The following PCDHA3 variants were observed in gnomAD, a reference collection of about 807,000 sequenced individuals.
PCDHA3 encodes the protein protocadherin alpha-3.
A neutral mutation model predicts 62.2 loss-of-function variants in PCDHA3; 41 were observed. The ratio of observed to expected loss-of-function variants is 0.66; its 90% CI spans 0.51 to 0.86. PCDHA3 has a LOEUF of 0.86. Ranked by LOEUF, PCDHA3 falls within the 40% of genes least tolerant of loss-of-function variation. The probability of loss-of-function intolerance (pLI) is 0.00; values close to 1 mark genes in which losing one functional copy is unlikely to be tolerated. For missense variants in PCDHA3, 1,304 were observed against 1,241.2 expected, an observed-to-expected ratio of 1.05 and a Z score of -0.76; for synonymous variants, 640 against 555.4, an observed-to-expected ratio of 1.15 and a Z score of -2.14.
At chr5:140,869,322 C>A (rs1169893950) in intron 1 of PCDHA3, 12 of 1,613,702 alleles carry the variant, frequency 7.4e-6, no homozygotes, top group Non-Finnish European at 1.0e-5. Context: ...CACATGGGGA[C>A]CTTCTGGAGG....
chr5:140,900,233 G>GT (rs1261263702), intron 1 of PCDHA3, among the ~76,000 whole-genome samples: 7 of 151,834 alleles, frequency 4.6e-5, no homozygotes, highest in Non-Finnish European at 7.4e-5. Flanking sequence ...ACTGGATCTT[G>GT]TTTTTTTTAT....
chr5:140,880,747 T>C (rs555658670), intron 1 of PCDHA3, among the ~76,000 whole-genome samples: 16 of 152,334 alleles, frequency 1.1e-4, no homozygotes, highest in African/African-American at 3.8e-4. Context: ...GGATTGTCAG[T>C]GTAACTGCGT....
At position 140,981,056 on chromosome 5, in the gene PCDHA3, G is replaced by A. The variant is rs571113984; in HGVS notation, c.2454-1419G>A. 1.5e-3 allele frequency among the ~76,000 whole-genome samples: 227 copies of A among 152,276 alleles called. 1 individual carries two copies. Among genetic ancestry groups the A allele is most frequent in the African/African-American group, 5.2e-3 (217 of 41,556 alleles). ...GGGAAAAAAAACAGATAATTCTAGA[G>A]TGTAGACAAGGGGAAGAATAGTAAA... On this transcript the variant is annotated intron_variant, in intron 2 of 3. Transcript: ENST00000522353.
At chr5:140,871,612 G>T in intron 1 of PCDHA3, 1 of 1,427,256 alleles carries the variant, frequency 7.0e-7, no homozygotes, top group East Asian at 2.5e-5. Flanking sequence ...TTTGAATATT[G>T]TTTTAGATAA....
intron 1 of PCDHA3, chr5:140,805,413 G>C (rs191989993): frequency 1.9e-6 from 2 of 1,067,844 alleles, no homozygotes; most frequent in Non-Finnish European, 2.3e-6. Flanking sequence ...AAATTTGGTG[G>C]GTTTTTTGTT....
intron 1 of PCDHA3, chr5:140,824,025 G>C: frequency 1.2e-6 from 2 of 1,614,138 alleles, no homozygotes; most frequent in Non-Finnish European, 1.7e-6. Flanking sequence ...GGTCGTACTC[G>C]CAGCAGAGGA....
At chr5:140,948,371 T>G (rs1310252601) in intron 1 of PCDHA3, among the ~76,000 whole-genome samples, 1 of 151,586 alleles carries the variant, frequency 6.6e-6, no homozygotes, top group Non-Finnish European at 1.5e-5. Flanking sequence ...TTAGGAGGTG[T>G]TCCTTCCTCT....
At chr5:140,917,137 C>A (rs868951388) in intron 1 of PCDHA3, among the ~76,000 whole-genome samples, 4 of 152,208 alleles carry the variant, frequency 2.6e-5, no homozygotes, top group African/African-American at 4.8e-5. Context: ...CCACGTTGCT[C>A]AGCTGCTGCT....
chr5:140,829,207 T>C, intron 1 of PCDHA3: 2 of 1,614,192 alleles, frequency 1.2e-6, no homozygotes, highest in Non-Finnish European at 1.7e-6. Flanking sequence ...TCGCCCTAAT[T>C]AGCGTGAACG....
intron 1 of PCDHA3, chr5:140,870,895 G>A (rs2052513329): frequency 6.2e-7 from 1 of 1,613,844 alleles, no homozygotes; most frequent in African/African-American, 1.3e-5. Flanking sequence ...CGCAGTGGAT[G>A]CGGACTCAGG....
intron 1 of PCDHA3, chr5:140,823,918 C>A (rs2150130330): frequency 1.9e-6 from 3 of 1,614,018 alleles, no homozygotes; most frequent in Non-Finnish European, 2.5e-6. Flanking sequence ...GCTCACGCTG[C>A]TGCTGTACAC....
chr5:141,003,406 G>A (rs2098122557), intron 3 of PCDHA3, among the ~76,000 whole-genome samples: 1 of 152,134 alleles, frequency 6.6e-6, no homozygotes, highest in African/African-American at 2.4e-5. Flanking sequence ...CCGCCTCCCG[G>A]GTTCGAGTGA....
chr5:140,882,020 C>CA, intron 1 of PCDHA3: 1 of 561,726 alleles, frequency 1.8e-6, no homozygotes, highest in East Asian at 3.1e-5. Context: ...AATACTACAT[C>CA]AATGGAAAAT....
chr5:140,853,419 G>A lies in PCDHA3; in HGVS notation c.2394+49828G>A, dbSNP rs2150531537. The A allele has an allele frequency of 1.0e-5, 10 of 986,026 alleles. No individual in the cohort carries two copies. The East Asian group carries it at 1.1e-3, about 112-fold the overall frequency. 61.1% of individuals were successfully genotyped at this position (986,026 alleles called of 1,614,324 possible). On this transcript the variant is annotated intron_variant, in intron 1 of 3. Coordinates refer to ENST00000522353, the MANE Select transcript of PCDHA3 (RefSeq NM_018906.3). ...AGTTCAAAACAGAGAGGTGAAAGCA[G>A]AAGAGACACTTTCCTATTTTGCCTA... is the stretch of plus-strand genomic sequence containing the variant.
intron 1 of PCDHA3, among the ~76,000 whole-genome samples, chr5:140,945,698 T>C (rs530742031): frequency 3.9e-5 from 6 of 152,046 alleles, no homozygotes; most frequent in Non-Finnish European, 8.8e-5. Flanking sequence ...GTCCACTGAT[T>C]TGCAACAAAA....
At chr5:140,927,975 C>T in intron 1 of PCDHA3, 2 of 1,614,244 alleles carry the variant, frequency 1.2e-6, no homozygotes, top group Non-Finnish European at 1.7e-6. Context: ...TGATTGCTCT[C>T]TTTAGTGTAA....
chr5:140,953,100 A>G (rs1343351624), intron 1 of PCDHA3, among the ~76,000 whole-genome samples: 1 of 152,162 alleles, frequency 6.6e-6, no homozygotes, highest in Admixed American at 6.5e-5. Flanking sequence ...TTGACATGAG[A>G]TTTGGGCAGG....
chr5:140,881,505 CACAT>C (rs2058738073), intron 1 of PCDHA3: 1 of 242,822 alleles, frequency 4.1e-6, no homozygotes, highest in African/African-American at 2.3e-5. Flanking sequence ...TACACACACT[CACAT>C]ACAAAATCCC....
chr5:140,889,434 G>T (rs1349291699), intron 1 of PCDHA3, among the ~76,000 whole-genome samples: 1 of 151,774 alleles, frequency 6.6e-6, no homozygotes, highest in African/African-American at 2.4e-5. Context: ...ATTTTTTCAG[G>T]TATTTTCCTG....
Sources: allele counts gnomAD v4.1 joint callset (sites outside exome capture counted in the v4.1 genomes callset), GRCh38; gene constraint gnomAD v4.1.1; transcripts MANE v1.5; gene names NCBI Gene and HGNC (gene_info 2026-07-23, HGNC 2026-07-21).